Variants in ABLIM1 observed in about 807,000 individuals in gnomAD.
The protein encoded by ABLIM1 is actin binding LIM protein 1, also known as actin-binding LIM protein 1.
A neutral mutation model predicts 107.0 loss-of-function variants in ABLIM1; 40 were observed. The ratio of observed to expected loss-of-function variants is 0.37; its 90% CI spans 0.29 to 0.49. The LOEUF (loss-of-function observed/expected upper bound fraction) is 0.49. ABLIM1 is among the 20% of genes least tolerant of loss of function. The probability of loss-of-function intolerance (pLI) is 0.97; values close to 1 mark genes in which losing one functional copy is unlikely to be tolerated. For synonymous variants in ABLIM1, 357 were observed against 357.3 expected (o/e 1.00, Z 0.01); for missense variants, 857 against 1,008.5 (o/e 0.85, Z 2.04).
At chr10:114,437,169 A>G (rs978452302) in intron 22 of ABLIM1, among the ~76,000 whole-genome samples, 1 of 151,360 alleles carries the variant, frequency 6.6e-6, no homozygotes, top group African/African-American at 2.4e-5. Context: ...ACCCCAGCTC[A>G]GGGGAAGATA....
At chr10:114,542,423 GAAAGAAAGAAA>G (rs1033941484) in intron 6 of ABLIM1, among the ~76,000 whole-genome samples, 5 of 90,904 alleles carry the variant, frequency 5.5e-5, no homozygotes, top group African/African-American at 1.3e-4. Context: ...AAAAAAAAAA[GAAAGAAAGAAA>G]AAAGAAAAAA....
At chr10:114,477,525 T>C (rs1287214550) in intron 8 of ABLIM1, among the ~76,000 whole-genome samples, 1 of 152,180 alleles carries the variant, frequency 6.6e-6, no homozygotes, top group Non-Finnish European at 1.5e-5. Context: ...CTTTCAGCCT[T>C]TGCTGTAATG....
At chr10:114,536,578 G>A (rs970812899) in intron 6 of ABLIM1, among the ~76,000 whole-genome samples, 2 of 152,024 alleles carry the variant, frequency 1.3e-5, no homozygotes, top group Non-Finnish European at 2.9e-5. Flanking sequence ...CGTTTTCAAG[G>A]TTCCTCGAAG....
At chr10:114,568,115 G>A (rs1343949197) in intron 4 of ABLIM1, among the ~76,000 whole-genome samples, 3 of 149,702 alleles carry the variant, frequency 2.0e-5, no homozygotes, top group Middle Eastern at 3.4e-3. Context: ...GCGTGAACCC[G>A]GGAAGCGGAG....
intron 2 of ABLIM1, among the ~76,000 whole-genome samples, chr10:114,584,243 G>A (rs944416095): frequency 7.9e-5 from 12 of 152,250 alleles, no homozygotes; most frequent in African/African-American, 1.9e-4. Flanking sequence ...TGGAGCAAAC[G>A]CAGGGTACAG....
chr10:114,776,483 C>T, the ABLIM1 span, among the ~76,000 whole-genome samples: 2 of 151,948 alleles, frequency 1.3e-5, no homozygotes, highest in Admixed American at 6.6e-5. Context: ...TGTGGTGGCA[C>T]GTGCCTGTAG....
chr10:114,608,619 A>C (rs1401958418), intron 1 of ABLIM1, among the ~76,000 whole-genome samples: 1 of 151,896 alleles, frequency 6.6e-6, no homozygotes, highest in Non-Finnish European at 1.5e-5. Context: ...TGGTGAGCCG[A>C]GATCGTGCCA....
rs1365672540 is a variant in ABLIM1 at position 114,619,532 on chromosome 10, A to G, written c.245-17571T>C. Among the ~76,000 whole-genome samples, 5 of 152,150 alleles carry G rather than the reference A, an allele frequency of 3.3e-5. No homozygotes were observed. The highest frequency in any genetic ancestry group is 2.6e-4 in the Admixed American group (4 of 15,270). On this transcript the variant is annotated intron_variant, in intron 1 of 22. Coordinates refer to ENST00000533213, the MANE Select transcript of ABLIM1 (RefSeq NM_002313.7). This position sits in a 1 kb window ranked among gnomAD's most constrained non-coding sequence, Gnocchi z 4.1. ...TTTTTTTCTGGAAAAGCTCTTACAC[A>G]TCAAAAATGAATGCTATCCAGCATG...
At chr10:114,718,879 T>C (rs573469162) in intron 1 of ABLIM1, among the ~76,000 whole-genome samples, 3 of 152,342 alleles carry the variant, frequency 2.0e-5, no homozygotes, top group East Asian at 3.9e-4. Flanking sequence ...AATATGCGTA[T>C]ACATGTGGGA....
chr10:114,721,316 C>A (rs951363802), intron 1 of ABLIM1, among the ~76,000 whole-genome samples: 4 of 152,070 alleles, frequency 2.6e-5, no homozygotes, highest in East Asian at 3.9e-4. Flanking sequence ...TTTCACAGCT[C>A]GTGGGTGATG....
chr10:114,675,951 T>C (rs1409122215), intron 1 of ABLIM1, among the ~76,000 whole-genome samples: 1 of 152,230 alleles, frequency 6.6e-6, no homozygotes, highest in Non-Finnish European at 1.5e-5. Flanking sequence ...ATTTCCCTTT[T>C]TTTAACGACA....
intron 22 of ABLIM1, among the ~76,000 whole-genome samples, chr10:114,436,631 C>A (rs568528676): frequency 3.3e-5 from 5 of 152,232 alleles, no homozygotes. Context: ...TGATGGGACA[C>A]AGAGAGGTGA....
At chr10:114,784,683 AGAAAAAG>A in the ABLIM1 span, among the ~76,000 whole-genome samples, 6 of 118,232 alleles carry the variant, frequency 5.1e-5, no homozygotes, top group Admixed American at 1.6e-4. Flanking sequence ...AAAAAAAAAA[AGAAAAAG>A]AAAAAAAAAA....
intron 8 of ABLIM1, among the ~76,000 whole-genome samples, chr10:114,483,399 G>A (rs962835611): frequency 5.3e-5 from 8 of 152,098 alleles, no homozygotes; most frequent in African/African-American, 1.9e-4. Flanking sequence ...AGCCTCCTGA[G>A]TGGCTAAGAA....
intron 1 of ABLIM1, chr10:114,690,502 C>G: frequency 6.6e-7 from 1 of 1,507,848 alleles, no homozygotes; most frequent in Non-Finnish European, 9.2e-7. Flanking sequence ...CCCTTACAAC[C>G]AAATCCTTTC....
intron 6 of ABLIM1, among the ~76,000 whole-genome samples, chr10:114,522,657 C>T (rs1302695788): frequency 2.6e-5 from 4 of 152,160 alleles, no homozygotes; most frequent in Non-Finnish European, 5.9e-5. Flanking sequence ...CAACAAATGG[C>T]CTCAGTGTGA....
intron 6 of ABLIM1, among the ~76,000 whole-genome samples, chr10:114,529,534 C>T (rs1176931126): frequency 3.3e-5 from 5 of 152,168 alleles, no homozygotes; most frequent in Admixed American, 2.6e-4. Flanking sequence ...GATGGGTCAT[C>T]TTCAGATTTA....
intron 2 of ABLIM1, among the ~76,000 whole-genome samples, chr10:114,585,095 A>T (rs552376263): frequency 6.6e-6 from 1 of 152,248 alleles, no homozygotes; most frequent in South Asian, 2.1e-4. Context: ...AATATCAGGC[A>T]TTAGGGCTGA....
the ABLIM1 span, among the ~76,000 whole-genome samples, chr10:114,785,610 A>C: frequency 3.3e-5 from 5 of 152,334 alleles, no homozygotes; most frequent in African/African-American, 1.2e-4. Flanking sequence ...TATATTATTC[A>C]TGTATAAATA....
Sources: gnomAD v4.1 joint callset for allele counts (sites outside exome capture counted in the v4.1 genomes callset) on GRCh38, gnomAD v4.1.1 for gene constraint, Gnocchi (gnomAD v3.1) non-coding constraint, MANE v1.5 for transcripts, NCBI Gene and HGNC (gene_info 2026-07-23, HGNC 2026-07-21) for gene names.